The following RIMKLB variants were observed in gnomAD, a reference collection of about 807,000 sequenced individuals.
RIMKLB encodes beta-citrylglutamate synthase B.
Under a neutral mutation model 32.0 loss-of-function variants are expected in RIMKLB, and 7 were observed. That is an observed-to-expected ratio of 0.22 (90% CI 0.12 to 0.41). The LOEUF (loss-of-function observed/expected upper bound fraction) is 0.41, where lower values mean the gene tolerates loss of function less well. RIMKLB is among the 10% of genes least tolerant of loss of function. The pLI, the probability that RIMKLB is intolerant of heterozygous loss-of-function variation, is 1.00. For synonymous variants in RIMKLB, 172 were observed against 185.1 expected (o/e 0.93, Z 0.57); for missense variants, 289 against 498.7 (o/e 0.58, Z 4.00).
chr12:8,745,181 T>C lies in RIMKLB; in HGVS notation c.176-4681T>C, dbSNP rs781312757. ...GCCAACTGGTCTTGAACTCCTGACC[T>C]CAAGTGATTTGCCCACCTCAGCTTC... On this transcript the variant is annotated intron_variant, in intron 2 of 5. Transcript: ENST00000535829. 1.6e-3 allele frequency among the ~76,000 whole-genome samples: 250 copies of C among 152,020 alleles called. 7 individuals are homozygous for C. Among genetic ancestry groups the C allele is most frequent in the African/African-American group, 5.8e-3 (241 of 41,294 alleles).
Position 8,698,193 on chromosome 12 carries a change from C to G in RIMKLB, c.-161C>G, listed in dbSNP as rs1266498805. On this transcript the variant is annotated 5_prime_UTR_variant, in exon 1 of 6. Coordinates refer to ENST00000535829, the MANE Select transcript of RIMKLB (RefSeq NM_001297776.2). ...GCTCCCGGTATCCCGACCCCCTCCC[C>G]CTCCTCTCCTTCCCCCACTTCCAGC... is the stretch of plus-strand genomic sequence containing the variant. The G allele has an allele frequency of 2.8e-6, 1 of 359,030 alleles. No homozygotes were observed. Among genetic ancestry groups the G allele is most frequent in the Admixed American group, 3.3e-5 (1 of 30,094 alleles). 22.2% of individuals were successfully genotyped at this position (359,030 alleles called of 1,614,324 possible).
Position 8,776,829 on chromosome 12 carries a change from C to G in RIMKLB, c.*3045C>G. 1.0e-6 allele frequency: 1 copy of G among 985,760 alleles called. No homozygotes were observed. The highest frequency in any genetic ancestry group is 1.2e-6 in the Non-Finnish European group (1 of 829,890). 61.1% of individuals were successfully genotyped at this position (985,760 alleles called of 1,614,324 possible). ...ACTTGGCATTCATCAAGCACATTAT[C>G]AGACTTTGAGAACATATTGAAGGCA... On this transcript the variant is annotated 3_prime_UTR_variant, in exon 6 of 6. Transcript: ENST00000535829.
intron 3 of RIMKLB, 139 bp downstream of exon 3, chr12:8,750,231 A>T: frequency 1.9e-6 from 1 of 532,814 alleles, no homozygotes; most frequent in Admixed American, 3.2e-5. Context: ...TATAAATTAT[A>T]TCTTAAGATT....
At chr12:8,693,619 A>C (rs1258375383), upstream of RIMKLB, among the ~76,000 whole-genome samples, 1 of 151,832 alleles carries the variant, frequency 6.6e-6, no homozygotes, top group Admixed American at 6.6e-5. Context: ...GCTGGTCTTG[A>C]ACTCCCGACC....
At chr12:8,690,662 C>T (rs777972057) in intron 1 of RIMKLB, among the ~76,000 whole-genome samples, 16 of 152,172 alleles carry the variant, frequency 1.1e-4, no homozygotes, top group Non-Finnish European at 1.9e-4. Context: ...CAGTGGCTCA[C>T]GCCTGTAATC....
chr12:8,770,392 T>C (rs953200910), intron 5 of RIMKLB, among the ~76,000 whole-genome samples: 1 of 152,246 alleles, frequency 6.6e-6, no homozygotes, highest in South Asian at 2.1e-4. Flanking sequence ...TTTGTTTTAC[T>C]GTATGTCTCT....
At chr12:8,767,592 G>T (rs1316003670) in intron 5 of RIMKLB, among the ~76,000 whole-genome samples, 1 of 152,156 alleles carries the variant, frequency 6.6e-6, no homozygotes, top group Non-Finnish European at 1.5e-5. Flanking sequence ...GAAAAGTAGG[G>T]GTGTACGCAT....
intron 2 of RIMKLB, among the ~76,000 whole-genome samples, chr12:8,721,281 T>C (rs1945415115): frequency 6.6e-6 from 1 of 152,186 alleles, no homozygotes; most frequent in South Asian, 2.1e-4. Context: ...ACGAAAACAA[T>C]GAAATTTGCC....
chr12:8,680,951 G>C (rs1942397996), upstream of RIMKLB, among the ~76,000 whole-genome samples: 1 of 151,158 alleles, frequency 6.6e-6, no homozygotes. Context: ...CAAGCCCCTT[G>C]TTCCTGGGGT....
intron 3 of RIMKLB, among the ~76,000 whole-genome samples, 190 bp from the exon 4 acceptor site, chr12:8,751,767 C>G (rs1205756970): frequency 6.6e-6 from 1 of 152,054 alleles, no homozygotes; most frequent in African/African-American, 2.4e-5. Context: ...ATTAAGGGAG[C>G]TATTATTTGT....
chr12:8,777,462 T>TA (rs1950803442), downstream of RIMKLB: 1 of 1,112,692 alleles, frequency 9.0e-7, no homozygotes, highest in Non-Finnish European at 1.1e-6. Flanking sequence ...GGTGGCTGCC[T>TA]AACTCTAGTG....
intron 5 of RIMKLB, among the ~76,000 whole-genome samples, chr12:8,772,336 C>G (rs1286190759): frequency 6.6e-6 from 1 of 152,166 alleles, no homozygotes; most frequent in Non-Finnish European, 1.5e-5. Context: ...GTTTTAACTT[C>G]AGAAAATCTT....
chr12:8,682,959 T>C (rs913282200), intron 1 of RIMKLB, among the ~76,000 whole-genome samples: 4 of 151,954 alleles, frequency 2.6e-5, no homozygotes, highest in East Asian at 1.9e-4. Context: ...CTTTTTAACA[T>C]CTCCATAGTT....
intron 5 of RIMKLB, among the ~76,000 whole-genome samples, chr12:8,770,853 T>C (rs1950342932): frequency 6.6e-6 from 1 of 152,234 alleles, no homozygotes; most frequent in African/African-American, 2.4e-5. Flanking sequence ...ACAGAACTTC[T>C]GACCAACTGG....
At chr12:8,672,410 T>C in the RIMKLB span, among the ~76,000 whole-genome samples, 3 of 152,090 alleles carry the variant, frequency 2.0e-5, no homozygotes, top group Admixed American at 6.6e-5. Flanking sequence ...ATATCCAAGA[T>C]TGGGAAGAAA....
intron 2 of RIMKLB, among the ~76,000 whole-genome samples, chr12:8,740,946 C>T (rs995324437): frequency 1.1e-4 from 17 of 152,102 alleles, no homozygotes; most frequent in South Asian, 4.1e-4. Context: ...GGGTGGCTCA[C>T]GCCTGTAATC....
intron 2 of RIMKLB, among the ~76,000 whole-genome samples, chr12:8,730,507 G>A (rs1946435608): frequency 6.6e-6 from 1 of 152,160 alleles, no homozygotes; most frequent in African/African-American, 2.4e-5. Context: ...GCCTCTGCTG[G>A]ACTGTAGCTG....
intron 5 of RIMKLB, among the ~76,000 whole-genome samples, chr12:8,758,409 C>G (rs1949244920): frequency 6.6e-6 from 1 of 152,122 alleles, no homozygotes; most frequent in Non-Finnish European, 1.5e-5. Context: ...GTTTGAGCCA[C>G]TGCACCTGAC....
Position 8,776,035 on chromosome 12 carries a change from A to G in RIMKLB, c.*2251A>G. On this transcript the variant is annotated 3_prime_UTR_variant, in exon 6 of 6. Transcript: ENST00000535829. The stretch of plus-strand genomic sequence containing the variant: ...ACTGCTTAATTAAATTATCATTCAT[A>G]TGTTCATATAGAGACCATCTGGTTG... The G allele has an allele frequency of 1.0e-6, 1 of 984,082 alleles. No homozygotes were observed. The highest frequency in any genetic ancestry group is 1.2e-6 in the Non-Finnish European group (1 of 828,700). The allele number at this position is 984,082 out of a possible 1,614,324, so 61.0% of individuals were successfully genotyped here.
Sources: allele counts gnomAD v4.1 joint callset (sites outside exome capture counted in the v4.1 genomes callset), GRCh38; gene constraint gnomAD v4.1.1; transcripts MANE v1.5; gene names NCBI Gene and HGNC (gene_info 2026-07-23, HGNC 2026-07-21).